The following ADI1 variants were observed in gnomAD, a reference collection of about 807,000 sequenced individuals.
ADI1 encodes the protein acireductone dioxygenase 1.
Under a neutral mutation model 18.7 loss-of-function variants are expected in ADI1, and 21 were observed. The observed-to-expected ratio is 1.13, with a 90% CI of 0.80 to 1.62. The LOEUF (loss-of-function observed/expected upper bound fraction) is 1.62, where lower values mean the gene tolerates loss of function less well. ADI1 is among the 40% of genes most tolerant of loss of function. The probability of loss-of-function intolerance (pLI) is 0.00; values close to 1 mark genes in which losing one functional copy is unlikely to be tolerated. For synonymous variants in ADI1, 90 were observed against 100.1 expected (o/e 0.90, Z 0.60); for missense variants, 245 against 254.9 (o/e 0.96, Z 0.26).
intron 1 of ADI1, chr2:3,515,039 T>C (rs1667369656): frequency 7.1e-6 from 4 of 567,266 alleles, no homozygotes; most frequent in Non-Finnish European, 1.1e-5. Flanking sequence ...ACTGTACAAA[T>C]TGATTGTAAA....
chr2:3,498,993 C>T lies in ADI1; in HGVS notation c.510G>A (p.Gln170=). The T allele has an allele frequency of 6.2e-7, 1 of 1,613,628 alleles. No homozygotes were observed. The highest frequency in any genetic ancestry group is 8.5e-7 in the Non-Finnish European group (1 of 1,179,570). ...RPADHFEARG[Q]YVKFLAQTA ...CGGTCTGTGCCAGAAATTTCACGTA[C>T]TGCCCGCGGGCTTCAAAATGGTCAG... Residue 170 remains glutamine, a synonymous_variant, in exon 4 of 4, where the codon CAG becomes CAA. Transcript: ENST00000327435.
At chr2:3,514,151 C>T (rs546853841) in intron 1 of ADI1, among the ~76,000 whole-genome samples, 175 bp from the exon 2 acceptor site, 2 of 152,312 alleles carry the variant, frequency 1.3e-5, no homozygotes, top group South Asian at 4.2e-4. Flanking sequence ...TTCCATTCTC[C>T]AAAACACCAG....
intron 2 of ADI1, among the ~76,000 whole-genome samples, chr2:3,502,232 T>G (rs2103202341): frequency 6.6e-6 from 1 of 152,276 alleles, no homozygotes; most frequent in Non-Finnish European, 1.5e-5. Context: ...GGTCTTATTA[T>G]GTTGCCCAGG....
At chr2:3,509,460 A>T (rs1184250691) in intron 2 of ADI1, among the ~76,000 whole-genome samples, 2 of 152,226 alleles carry the variant, frequency 1.3e-5, no homozygotes, top group Non-Finnish European at 1.5e-5. Flanking sequence ...ACGAAGACTC[A>T]AATTATACAA....
intron 1 of ADI1, 74 bp downstream of exon 1, chr2:3,519,294 G>A: frequency 1.5e-6 from 2 of 1,317,844 alleles, no homozygotes; most frequent in Non-Finnish European, 1.9e-6. Context: ...CCGGCACCTG[G>A]AGGAGGCTGG....
intron 2 of ADI1, among the ~76,000 whole-genome samples, chr2:3,504,014 A>G (rs758268089): frequency 9.2e-5 from 14 of 152,204 alleles, no homozygotes; most frequent in Non-Finnish European, 1.9e-4. Context: ...ACGACTTACG[A>G]AAAACGTTGA....
At chr2:3,511,973 T>C (rs1047641541) in intron 2 of ADI1, among the ~76,000 whole-genome samples, 2 of 152,214 alleles carry the variant, frequency 1.3e-5, no homozygotes, top group Admixed American at 6.5e-5. Flanking sequence ...CTAGGGTATA[T>C]GGTAGAAGAA....
intron 1 of ADI1, chr2:3,516,933 A>T: frequency 1.0e-6 from 1 of 985,138 alleles, no homozygotes; most frequent in Non-Finnish European, 1.2e-6. Context: ...GGGTTTTTTT[A>T]GAGATGAGGT....
Position 3,500,706 on chromosome 2 carries a change from C to T in ADI1, c.420+108G>A, listed in dbSNP as rs557826561. Reference sequence around the variant, plus strand: ...AGCACAGGTCGAGGAGTCCCGAGCCCAGCGACCGCGCTTGGAGTCTGCGGA... The same window carrying T: ...AGCACAGGTCGAGGAGTCCCGAGCCTAGCGACCGCGCTTGGAGTCTGCGGA... On this transcript the variant is annotated intron_variant, in intron 3 of 3. Coordinates refer to ENST00000327435, the MANE Select transcript of ADI1 (RefSeq NM_018269.4). 12 of 1,460,252 alleles carry T rather than the reference C, an allele frequency of 8.2e-6. No individual in the cohort carries two copies. The East Asian group carries it at 2.6e-4, about 32-fold the overall frequency. 90.5% of individuals were successfully genotyped at this position (1,460,252 alleles called of 1,614,324 possible).
intron 2 of ADI1, 151 bp downstream of exon 2, chr2:3,513,706 T>C (rs1667339636): frequency 1.2e-6 from 1 of 842,132 alleles, no homozygotes; most frequent in Non-Finnish European, 1.7e-6. Flanking sequence ...TAAATCTCTT[T>C]TCTTATAAAT....
chr2:3,500,663 T>A (rs1368980157), intron 3 of ADI1, 151 bp downstream of exon 3: 1 of 1,047,772 alleles, frequency 9.5e-7, no homozygotes, highest in East Asian at 2.6e-5. Context: ...CGCCTGCGGC[T>A]CCACAGACTC....
rs377382932 is a variant in ADI1 at position 3,516,055 on chromosome 2, T to C, written c.121-2079A>G. 3.1e-6 allele frequency: 3 copies of C among 982,360 alleles called. No homozygotes were observed. The South Asian group carries it at 1.4e-4, about 46-fold the overall frequency. The allele number at this position is 982,360 out of a possible 1,614,324, so 60.9% of individuals were successfully genotyped here. A position where few individuals can be genotyped will look rare whatever the true frequency, so the allele number is the denominator to read the frequency against. ...ACATAATATGTAATATGACACATTA[T>C]ATGACACGTGTCATAAGTTTAAATA... On this transcript the variant is annotated intron_variant, in intron 1 of 3. Transcript: ENST00000327435.
At chr2:3,519,324 G>C (rs1667505024) in intron 1 of ADI1, 44 bp downstream of exon 1, 1 of 1,349,384 alleles carries the variant, frequency 7.4e-7, no homozygotes, top group South Asian at 1.8e-5. Context: ...GGCGTTTGGG[G>C]GTCGGCGTCG....
intron 3 of ADI1, 115 bp from the exon 4 acceptor site, chr2:3,499,197 T>G (rs533228369): frequency 3.5e-5 from 50 of 1,426,754 alleles, no homozygotes; most frequent in Non-Finnish European, 4.3e-5. Flanking sequence ...TACTTGCTAT[T>G]TTTATTCTGC....
chr2:3,504,416 T>A (rs548045944), intron 2 of ADI1, among the ~76,000 whole-genome samples: 1 of 152,358 alleles, frequency 6.6e-6, no homozygotes, highest in East Asian at 1.9e-4. Flanking sequence ...CAGCCTCTGT[T>A]ATGTGAGATA....
chr2:3,515,743 C>T, intron 1 of ADI1: 1 of 218,050 alleles, frequency 4.6e-6, no homozygotes, highest in Non-Finnish European at 7.8e-6. Flanking sequence ...GTCTGAGACT[C>T]AGGCGGGCAT....
At chr2:3,505,414 TA>T (rs934797654) in intron 2 of ADI1, among the ~76,000 whole-genome samples, 2 of 151,832 alleles carry the variant, frequency 1.3e-5, no homozygotes, top group African/African-American at 2.4e-5. Context: ...GTCTGAGAGC[TA>T]AAAAAAACTC....
intron 2 of ADI1, among the ~76,000 whole-genome samples, chr2:3,502,988 G>A (rs577981143): frequency 1.1e-4 from 16 of 152,154 alleles, no homozygotes; most frequent in African/African-American, 3.9e-4. Context: ...GATGAGGAAG[G>A]CAAAGGAAAG....
chr2:3,499,033 G>T lies in ADI1; in HGVS notation c.470C>A (p.Ala157Glu). Residue 157 changes from alanine to glutamate, a missense_variant, in exon 4 of 4, where the codon GCG becomes GAG. By Grantham distance (107) the Ala-to-Glu change is moderately radical. Coordinates refer to ENST00000327435, the MANE Select transcript of ADI1 (RefSeq NM_018269.4). Reference sequence around the variant, plus strand: ...AAAATGGTCAGCGGGCCGGTTGTACGCTGTCCACACCGGTTCTCCCACAAA... The same window carrying T: ...AAAATGGTCAGCGGGCCGGTTGTACTCTGTCCACACCGGTTCTCCCACAAA... ...RLFVGEPVWT[A>E]YNRPADHFEA... 6.2e-7 allele frequency: 1 copy of T among 1,614,118 alleles called. No individual in the cohort carries two copies. The highest frequency in any genetic ancestry group is 8.5e-7 in the Non-Finnish European group (1 of 1,179,964).
Sources: gnomAD v4.1 joint callset for allele counts (sites outside exome capture counted in the v4.1 genomes callset) on GRCh38, gnomAD v4.1.1 for gene constraint, MANE v1.5 for transcripts, NCBI Gene and HGNC (gene_info 2026-07-23, HGNC 2026-07-21) for gene names.